PSD3: variants seen among roughly 807,000 people sequenced by gnomAD.
PSD3 encodes the protein PH and SEC7 domain-containing protein 3.
PSD3 carries 49 observed loss-of-function variants against 105.5 expected under a neutral mutation model. That is an observed-to-expected ratio of 0.46 (90% CI 0.37 to 0.59). The LOEUF is 0.59. Among genes scored for constraint, PSD3 ranks in the 20% least tolerant of loss-of-function variants. The probability of loss-of-function intolerance (pLI) is 0.00; values close to 1 mark genes in which losing one functional copy is unlikely to be tolerated. For missense variants in PSD3, 1,561 were observed against 1,263.8 expected, an observed-to-expected ratio of 1.24 and a Z score of -3.57; for synonymous variants, 557 against 457.8, an observed-to-expected ratio of 1.22 and a Z score of -2.77.
intron 2 of PSD3, 31 bp from the exon 3 acceptor site, chr8:18,872,764 T>A: frequency 4.6e-6 from 7 of 1,512,062 alleles, no homozygotes; most frequent in Non-Finnish European, 5.3e-6. Context: ...ACATATGACT[T>A]GTTGTAGAAA....
chr8:19,084,359 C>T lies in PSD3; in HGVS notation c.171G>A (p.Arg57=), dbSNP rs1181332743. ...GTATTTGGCAGGTCTCGGCGCCTCT[C>T]CTCAGCACAGTCCTTTCCGCTCCAT... Residue 57 remains arginine, a synonymous_variant, in exon 1 of 2, where the codon AGG becomes AGA. Transcript: ENST00000521475. The T allele has an allele frequency of 6.6e-6, 3 of 456,170 alleles. No homozygotes were observed. In the East Asian group the frequency reaches 2.1e-4, roughly 32 times the overall value. 28.3% of individuals were successfully genotyped at this position (456,170 alleles called of 1,614,324 possible).
intron 4 of PSD3, chr8:18,853,954 C>G (rs1251169040): frequency 6.6e-6 from 1 of 152,052 alleles, no homozygotes; most frequent in Admixed American, 6.5e-5. Flanking sequence ...GATCATTTTC[C>G]TAAGTCTTTC....
At chr8:18,771,294 C>T (rs981273885) in intron 8 of PSD3, among the ~76,000 whole-genome samples, 2 of 152,206 alleles carry the variant, frequency 1.3e-5, no homozygotes, top group African/African-American at 4.8e-5. Flanking sequence ...ACTGGGGACC[C>T]ATCCTCTTCT....
chr8:18,751,592 T>C (rs1043541391), intron 9 of PSD3, among the ~76,000 whole-genome samples: 1 of 149,340 alleles, frequency 6.7e-6, no homozygotes, highest in Non-Finnish European at 1.5e-5. Context: ...CACTAGTCAC[T>C]AGCAACACTA....
At chr8:18,544,030 TA>T (rs1800298990) in intron 15 of PSD3, among the ~76,000 whole-genome samples, 1 of 152,062 alleles carries the variant, frequency 6.6e-6, no homozygotes, top group Admixed American at 6.5e-5. Context: ...CCTGAATACA[TA>T]TCCTCCTTAC....
At chr8:18,604,783 C>T (rs929288482) in intron 11 of PSD3, among the ~76,000 whole-genome samples, 10 of 152,168 alleles carry the variant, frequency 6.6e-5, no homozygotes, top group African/African-American at 2.2e-4. Flanking sequence ...CCAGCTTCTC[C>T]AGGTTCAGCC....
intron 9 of PSD3, among the ~76,000 whole-genome samples, chr8:18,764,792 T>C (rs538437848): frequency 1.3e-5 from 2 of 152,310 alleles, no homozygotes; most frequent in East Asian, 1.9e-4. Context: ...ACATTCTCAA[T>C]GTATACAATC....
chr8:18,966,236 T>C (rs1028071123), intron 1 of PSD3, among the ~76,000 whole-genome samples: 20 of 152,180 alleles, frequency 1.3e-4, no homozygotes, highest in Non-Finnish European at 1.0e-4. Context: ...CCATTCCACT[T>C]CTCACAGAGT....
intron 11 of PSD3, among the ~76,000 whole-genome samples, chr8:18,627,320 TGCGTAAAACAGAGGG>T (rs1563395427): frequency 3.3e-5 from 5 of 151,858 alleles, no homozygotes; most frequent in African/African-American, 4.8e-5. Context: ...TTTGTAGAGC[TGCGTAAAACAGAGGG>T]GAGAGTTACA....
intron 9 of PSD3, among the ~76,000 whole-genome samples, chr8:18,696,051 G>A (rs977125589): frequency 6.6e-6 from 1 of 152,172 alleles, no homozygotes; most frequent in Non-Finnish European, 1.5e-5. Flanking sequence ...GCTGAGAATT[G>A]CCCTGAGATG....
chr8:18,593,054 T>A (rs912344539), intron 12 of PSD3, among the ~76,000 whole-genome samples: 5 of 152,196 alleles, frequency 3.3e-5, no homozygotes, highest in Non-Finnish European at 5.9e-5. Context: ...ATTCAGGACA[T>A]AGGCACGGGC....
At chr8:18,977,087 C>T (rs900278469) in intron 1 of PSD3, among the ~76,000 whole-genome samples, 3 of 151,884 alleles carry the variant, frequency 2.0e-5, no homozygotes, top group Non-Finnish European at 2.9e-5. Flanking sequence ...TGGTGAAACC[C>T]CATTTCTACT....
chr8:18,767,468 C>G (rs1807104750), intron 8 of PSD3, among the ~76,000 whole-genome samples: 1 of 152,194 alleles, frequency 6.6e-6, no homozygotes, highest in East Asian at 1.9e-4. Flanking sequence ...ATACCTGTGA[C>G]CGGGCACGGT....
In PSD3 at chr8:18,913,727, T is replaced by A. The variant is rs78587662; in HGVS notation, c.130+22307A>T. Among the ~76,000 whole-genome samples the A allele has an allele frequency of 9.8e-3, 1,484 of 151,788 alleles. 13 individuals are homozygous for A. Among genetic ancestry groups the A allele is most frequent in the Non-Finnish European group, 0.017 (1,151 of 67,900 alleles). On this transcript the variant is annotated intron_variant, in intron 2 of 15. Transcript: ENST00000327040. ...CCAGGGTCTAAGCACCAGGCTGGCC[T>A]TCATGGACTCAGGATCCAGGACTGC... is the stretch of plus-strand genomic sequence containing the variant.
At chr8:19,001,080 C>T (rs1826357309) in intron 1 of PSD3, 1 of 144,974 alleles carries the variant, frequency 6.9e-6, no homozygotes, top group South Asian at 2.4e-4. Flanking sequence ...AATGCTTCCA[C>T]ATGTATTATC....
chr8:19,036,163 T>C (rs1827938011), intron 1 of PSD3, among the ~76,000 whole-genome samples: 1 of 152,174 alleles, frequency 6.6e-6, no homozygotes, highest in African/African-American at 2.4e-5. Flanking sequence ...AATGCAGAGC[T>C]GAAGGAATTA....
At chr8:19,000,390 C>G (rs1178935615) in intron 1 of PSD3, among the ~76,000 whole-genome samples, 1 of 71,818 alleles carries the variant, frequency 1.4e-5, no homozygotes, top group East Asian at 5.6e-4. Context: ...GAGCAAGGCT[C>G]TGTCTGAAAA....
At chr8:19,015,041 C>T (rs957916214), upstream of PSD3, among the ~76,000 whole-genome samples, 2 of 152,186 alleles carry the variant, frequency 1.3e-5, no homozygotes. Context: ...TATGGTTTGG[C>T]TGTATCCCCA....
At chr8:19,038,911 G>A (rs6982868) in intron 1 of PSD3, among the ~76,000 whole-genome samples, 9,467 of 152,110 alleles carry the variant, frequency 0.062, 412 homozygotes, top group Middle Eastern at 0.15. Flanking sequence ...AGTATATGAG[G>A]CAATAAAGCA....
Sources: allele counts gnomAD v4.1 joint callset (sites outside exome capture counted in the v4.1 genomes callset), GRCh38; gene constraint gnomAD v4.1.1; transcripts MANE v1.5; gene names NCBI Gene and HGNC (gene_info 2026-07-23, HGNC 2026-07-21).